NHS: variants seen among roughly 807,000 people sequenced by gnomAD.
The protein encoded by NHS is actin remodeling regulator NHS.
NHS carries 5 observed loss-of-function variants against 72.5 expected under a neutral mutation model. The observed-to-expected ratio is 0.07, with a 90% confidence interval of 0.04 to 0.14. NHS has a LOEUF of 0.14. Among genes scored for constraint, NHS ranks in the 10% least tolerant of loss-of-function variants. The pLI is 1.00. For synonymous variants in NHS, 464 were observed against 547.7 expected (o/e 0.85, Z 2.13); for missense variants, 1,072 against 1,355.7 (o/e 0.79, Z 3.29).
intron 1 of NHS, among the ~76,000 whole-genome samples, chrX:17,540,504 T>C (rs919781970): frequency 5.4e-5 from 6 of 111,778 alleles, no homozygotes; most frequent in African/African-American, 2.0e-4. Context: ...AGCATGTGAC[T>C]TTGTTATTTG....
chrX:17,527,345 AG>A (rs2065178016), intron 1 of NHS, among the ~76,000 whole-genome samples: 2 of 113,392 alleles, frequency 1.8e-5, no homozygotes, highest in Non-Finnish European at 3.7e-5. Context: ...TGAAAAAGGC[AG>A]AGAGGGCCCT....
At chrX:17,704,335 C>T (rs1431505677) in intron 3 of NHS, among the ~76,000 whole-genome samples, 1 of 109,924 alleles carries the variant, frequency 9.1e-6, no homozygotes, top group Non-Finnish European at 1.9e-5. Context: ...CTCACTCTGT[C>T]ACCCAGGCTG....
intron 1 of NHS, among the ~76,000 whole-genome samples, chrX:17,435,581 A>G (rs1300723611): frequency 1.8e-5 from 2 of 112,432 alleles, no homozygotes; most frequent in African/African-American, 6.5e-5. Context: ...GACAAGCACA[A>G]GGATTGGGAA....
intron 1 of NHS, among the ~76,000 whole-genome samples, chrX:17,682,286 T>C (rs1270563743): frequency 8.9e-6 from 1 of 112,022 alleles, no homozygotes; most frequent in African/African-American, 3.2e-5. Context: ...TCCTGAGGAT[T>C]GGCTTCAGCA....
intron 3 of NHS, among the ~76,000 whole-genome samples, chrX:17,701,523 T>C (rs764032348): frequency 2.9e-4 from 32 of 109,884 alleles, no homozygotes; most frequent in African/African-American, 1.1e-3. Context: ...GGTTAAAAAA[T>C]ACACAAATAC....
intron 1 of NHS, among the ~76,000 whole-genome samples, chrX:17,552,795 G>A (rs4825254): frequency 0.32 from 35,256 of 111,129 alleles, 4,247 homozygotes; most frequent in East Asian, 0.74. Flanking sequence ...AAGCATCAGC[G>A]TCATCCAGGA....
At chrX:17,414,646 C>A (rs2064581646) in intron 1 of NHS, among the ~76,000 whole-genome samples, 1 of 111,775 alleles carries the variant, frequency 8.9e-6, no homozygotes, top group Non-Finnish European at 1.9e-5. Context: ...GAGATGCTTT[C>A]CTGAGAGGTC....
intron 1 of NHS, among the ~76,000 whole-genome samples, chrX:17,416,031 G>A (rs1294657459): frequency 3.6e-5 from 4 of 110,892 alleles, no homozygotes; most frequent in Admixed American, 9.6e-5. Flanking sequence ...CTTTTTCCTC[G>A]GTTCACTCAG....
intron 3 of NHS, among the ~76,000 whole-genome samples, chrX:17,713,243 A>T (rs773179314): frequency 8.0e-5 from 9 of 111,993 alleles, no homozygotes; most frequent in Non-Finnish European, 1.5e-4. Flanking sequence ...ACACTCCTGC[A>T]CAGGAAAAGC....
At chrX:17,589,642 C>T (rs933290632) in intron 1 of NHS, among the ~76,000 whole-genome samples, 3 of 111,537 alleles carry the variant, frequency 2.7e-5, no homozygotes, top group Non-Finnish European at 5.6e-5. Flanking sequence ...CTGCTATAAA[C>T]ATGCGTGAGT....
chrX:17,690,324 C>G (rs1418721348), intron 2 of NHS, among the ~76,000 whole-genome samples: 1 of 112,428 alleles, frequency 8.9e-6, no homozygotes, highest in African/African-American at 3.2e-5. Context: ...ACTGACCTAT[C>G]AGACAACTGC....
chrX:17,406,608 C>G (rs781398580), intron 1 of NHS, among the ~76,000 whole-genome samples: 1 of 111,267 alleles, frequency 9.0e-6, no homozygotes, highest in Non-Finnish European at 1.9e-5. Context: ...TGCCATGGGA[C>G]TCTTTTTCAT....
chrX:17,511,351 A>G (rs1392959215), intron 1 of NHS, among the ~76,000 whole-genome samples: 1 of 111,018 alleles, frequency 9.0e-6, no homozygotes, highest in African/African-American at 3.3e-5. Context: ...ATTTCTAGGC[A>G]CTCTTCTGCC....
At chrX:17,483,386 T>G (rs190829886) in intron 1 of NHS, among the ~76,000 whole-genome samples, 46 of 112,429 alleles carry the variant, frequency 4.1e-4, no homozygotes, top group African/African-American at 1.5e-3. Flanking sequence ...ACAGCAACTT[T>G]AATGTGATAT....
intron 1 of NHS, among the ~76,000 whole-genome samples, chrX:17,605,401 G>A (rs1373087002): frequency 9.0e-6 from 1 of 111,629 alleles, no homozygotes. Flanking sequence ...CAGATGCTAA[G>A]CGAGAAACTA....
chrX:17,506,540 A>C (rs1277715623), intron 1 of NHS, among the ~76,000 whole-genome samples: 1 of 101,681 alleles, frequency 9.8e-6, no homozygotes, highest in Non-Finnish European at 2.0e-5. Context: ...TAAATAAATA[A>C]ATAAATAAAT....
chrX:17,573,340 C>T (rs2065492147), intron 1 of NHS, among the ~76,000 whole-genome samples: 2 of 111,107 alleles, frequency 1.8e-5, no homozygotes, highest in Non-Finnish European at 3.8e-5. Context: ...TTGGTGTTTT[C>T]ACATAGTCCA....
intron 1 of NHS, among the ~76,000 whole-genome samples, chrX:17,598,572 A>G (rs1171462273): frequency 8.9e-6 from 1 of 111,746 alleles, no homozygotes; most frequent in African/African-American, 3.3e-5. Context: ...CAAAGGTACT[A>G]TCATTATCCT....
At chrX:17,404,184 C>T (rs1006749804) in intron 1 of NHS, among the ~76,000 whole-genome samples, 3 of 111,617 alleles carry the variant, frequency 2.7e-5, no homozygotes, top group African/African-American at 9.8e-5. Context: ...TGCTTTGTGT[C>T]GTAATTCCCT....
Sources: gnomAD v4.1 joint callset for allele counts (sites outside exome capture counted in the v4.1 genomes callset) on GRCh38, gnomAD v4.1.1 for gene constraint, MANE v1.5 for transcripts, NCBI Gene and HGNC (gene_info 2026-07-23, HGNC 2026-07-21) for gene names.